The following LRP5 variants were observed in gnomAD, a reference collection of about 807,000 sequenced individuals.
The protein encoded by LRP5 is LDL receptor related protein 5, also known as low-density lipoprotein receptor-related protein 5.
In LRP5, 62 loss-of-function variants were observed where a neutral mutation model predicts 154.1. The ratio of observed to expected loss-of-function variants is 0.40; its 90% CI spans 0.33 to 0.50. The LOEUF is 0.50. Ranked by LOEUF, LRP5 falls within the 20% of genes least tolerant of loss-of-function variation. The pLI, the probability that LRP5 is intolerant of heterozygous loss-of-function variation, is 0.55. For synonymous variants in LRP5, 966 were observed against 1,011.5 expected (o/e 0.96, Z 0.85); for missense variants, 1,915 against 2,336.7 (o/e 0.82, Z 3.72).
intron 16 of LRP5, among the ~76,000 whole-genome samples, chr11:68,426,585 A>G (rs1222835377): frequency 1.3e-5 from 2 of 149,742 alleles, no homozygotes; most frequent in Non-Finnish European, 3.0e-5. Flanking sequence ...GCACCACCAC[A>G]CCTGGCTAAT....
intron 2 of LRP5, among the ~76,000 whole-genome samples, chr11:68,357,175 TCCACCCG>T (rs1185389377): frequency 6.6e-6 from 1 of 152,174 alleles, no homozygotes; most frequent in African/African-American, 2.4e-5. Context: ...GACCTCGTGA[TCCACCCG>T]CCTTGGCCTC....
chr11:68,331,572 A>G (rs116779549), intron 1 of LRP5, among the ~76,000 whole-genome samples: 2,071 of 152,312 alleles, frequency 0.014, 44 homozygotes, highest in African/African-American at 0.046. Context: ...GGTGTCTGAA[A>G]CCAGCTACCT....
At chr11:68,379,154 T>C (rs1449186881) in intron 5 of LRP5, among the ~76,000 whole-genome samples, 3 of 152,262 alleles carry the variant, frequency 2.0e-5, no homozygotes, top group Non-Finnish European at 4.4e-5. Flanking sequence ...TTATCGTTCA[T>C]GCAAATTCCG....
chr11:68,433,820 G>A lies in LRP5; in HGVS notation c.3982G>A (p.Asp1328Asn). 1 of 1,612,548 alleles carries A rather than the reference G, an allele frequency of 6.2e-7. No homozygotes were observed. The highest frequency in any genetic ancestry group is 1.3e-5 in the African/African-American group (1 of 75,054). Residue 1328 changes from aspartate (D) to asparagine (N), a missense_variant, in exon 18 of 23, where the codon GAC becomes AAC. Asp to Asn is a conservative substitution (Grantham distance 23). Around this residue, in one of 3 missense-constraint regions of LRP5, gnomAD observed 1,094 missense variants for 1,210.1 expected, o/e 0.90. Coordinates refer to ENST00000294304, the MANE Select transcript of LRP5 (RefSeq NM_002335.4). ...DGEADCQDRSDEADCDAICLP... is the reference protein window; with the variant it reads ...DGEADCQDRSNEADCDAICLP... ...CGAGGCAGACTGTCAGGACCGCTCA[G>A]ACGAGGCGGACTGTGACGGTGAGGC...
chr11:68,416,479 G>C lies in LRP5; in HGVS notation c.2979G>C (p.Trp993Cys), dbSNP rs756773762. The change falls in exon 13 of 23, where the codon TGG becomes TGC. Residue 993 changes from tryptophan to cysteine, a missense_variant. By Grantham distance (215) the Trp-to-Cys change is radical. Coordinates refer to ENST00000294304, the MANE Select transcript of LRP5 (RefSeq NM_002335.4). ...ACCCACTGGACAAGTTCATCTACTGGGTGGATGGGCGCCAGAACATCAAGC... is the reference window on the plus strand; with the variant it reads ...ACCCACTGGACAAGTTCATCTACTGCGTGGATGGGCGCCAGAACATCAAGC... ...DYDPLDKFIY[W>C]VDGRQNIKRA... is the part of the protein sequence containing the mutation. 15 of 1,614,068 alleles carry C rather than the reference G, an allele frequency of 9.3e-6. No individual in the cohort carries two copies. The highest frequency in any genetic ancestry group is 1.1e-5 in the Non-Finnish European group (13 of 1,180,048).
At chr11:68,315,385 C>T (rs1335984135) in intron 1 of LRP5, among the ~76,000 whole-genome samples, 1 of 152,254 alleles carries the variant, frequency 6.6e-6, no homozygotes, top group Non-Finnish European at 1.5e-5. Context: ...CAAACTCACT[C>T]ACTCACCGCT....
At chr11:68,305,131 T>C in the LRP5 span, among the ~76,000 whole-genome samples, 13 of 152,044 alleles carry the variant, frequency 8.6e-5, no homozygotes, top group African/African-American at 3.1e-4. Flanking sequence ...ATTCCCAATG[T>C]TGGGGGTGGG....
Position 68,432,852 on chromosome 11 carries a change from C to T in LRP5, c.3764-750C>T, listed in dbSNP as rs1411355428. On this transcript the variant is annotated intron_variant, in intron 17 of 22. Transcript: ENST00000294304. ...GACTCTGCTATTCCCTGAGTGCTGC[C>T]GCATGCCCAGCCCGCACTGAGGACG... Among the ~76,000 whole-genome samples the T allele has an allele frequency of 2.6e-5, 4 of 152,214 alleles. No homozygotes were observed. The South Asian group carries it at 6.2e-4, about 24-fold the overall frequency.
intron 2 of LRP5, among the ~76,000 whole-genome samples, chr11:68,349,501 G>A (rs573633430): frequency 6.6e-5 from 10 of 152,270 alleles, no homozygotes; most frequent in Non-Finnish European, 1.2e-4. Context: ...TAATTGCATT[G>A]GCTGAAAAAG....
rs1204464635 is a variant in LRP5 at position 68,413,709 on chromosome 11, G to A, written c.2524G>A (p.Ala842Thr). The A allele has an allele frequency of 6.2e-7, 1 of 1,613,666 alleles. No homozygotes were observed. The highest frequency in any genetic ancestry group is 8.5e-7 in the Non-Finnish European group (1 of 1,180,046). The change falls in exon 12 of 23, where the codon GCC (alanine) becomes ACC (threonine). Residue 842 changes from alanine (A) to threonine (T), a missense_variant. This residue lies in a region of LRP5 where 1,094 missense variants were observed against 1,210.1 expected (regional missense o/e 0.90). Transcript: ENST00000294304. This position sits in a 1 kb window ranked among gnomAD's most constrained non-coding sequence, Gnocchi z 5.1. ...TGCAGGTCAGGAGCGGGTCGTGATTGCCGACGATCTCCCGCACCCGTTCGG... is the reference window on the plus strand; with the variant it reads ...TGCAGGTCAGGAGCGGGTCGTGATTACCGACGATCTCCCGCACCCGTTCGG... ...NMLGQERVVI[A>T]DDLPHPFGLT...
At chr11:68,308,860 C>T (rs1199897758), upstream of LRP5, among the ~76,000 whole-genome samples, 78 of 149,048 alleles carry the variant, frequency 5.2e-4, no homozygotes, top group Non-Finnish European at 8.5e-4. Context: ...GTGATTCTCC[C>T]GCCTCAGCCT....
intron 1 of LRP5, among the ~76,000 whole-genome samples, chr11:68,316,451 T>C (rs1474315987): frequency 3.3e-5 from 5 of 152,134 alleles, no homozygotes; most frequent in Non-Finnish European, 7.3e-5. Flanking sequence ...TTTGTATTTT[T>C]AGTAGAGACG....
the LRP5 span, among the ~76,000 whole-genome samples, chr11:68,301,283 GT>G: frequency 6.7e-6 from 1 of 148,962 alleles, no homozygotes; most frequent in Admixed American, 6.7e-5. Context: ...ATTTGTTAAG[GT>G]TTTGCTACCT....
At chr11:68,346,123 C>A (rs543753009) in intron 1 of LRP5, among the ~76,000 whole-genome samples, 2 of 152,254 alleles carry the variant, frequency 1.3e-5, no homozygotes, top group African/African-American at 4.8e-5. Context: ...TGTGGGTTGC[C>A]TTTTTACTCT....
At chr11:68,365,769 C>A (rs1315733354) in intron 5 of LRP5, 67 bp downstream of exon 5, 3 of 1,438,530 alleles carry the variant, frequency 2.1e-6, no homozygotes, top group Non-Finnish European at 2.8e-6. Context: ...GTTGCGGCCG[C>A]CGGGGGTGCC....
chr11:68,371,360 A>G (rs1244728203), intron 5 of LRP5, among the ~76,000 whole-genome samples: 7 of 152,190 alleles, frequency 4.6e-5, no homozygotes, highest in Non-Finnish European at 7.4e-5. Flanking sequence ...ACGGCCTAGC[A>G]TTGAAGCTGG....
intron 13 of LRP5, among the ~76,000 whole-genome samples, chr11:68,422,754 C>T (rs1449881428): frequency 6.6e-6 from 1 of 151,706 alleles, no homozygotes; most frequent in Non-Finnish European, 1.5e-5. Context: ...CCCACCCTCA[C>T]CTGGCCCCCA....
At chr11:68,310,902 G>C (rs891349606), upstream of LRP5, among the ~76,000 whole-genome samples, 20 of 152,052 alleles carry the variant, frequency 1.3e-4, no homozygotes, top group African/African-American at 4.8e-4. Context: ...GGCTAAGGAA[G>C]CTGAGAGGTC....
chr11:68,428,583 CTCT>C (rs1325135433), intron 16 of LRP5, among the ~76,000 whole-genome samples: 2 of 151,838 alleles, frequency 1.3e-5, no homozygotes, highest in Admixed American at 6.6e-5. Flanking sequence ...GCGTCTTTAC[CTCT>C]TCTTCTTGTC....
Sources: gnomAD v4.1 joint callset for allele counts (sites outside exome capture counted in the v4.1 genomes callset) on GRCh38, gnomAD v4.1.1 for gene constraint, gnomAD v4.1.1 regional missense constraint, Gnocchi (gnomAD v3.1) non-coding constraint, MANE v1.5 for transcripts, NCBI Gene and HGNC (gene_info 2026-07-23, HGNC 2026-07-21) for gene names.